RASSF3: variants seen among roughly 807,000 people sequenced by gnomAD.
The protein encoded by RASSF3 is Ras association domain family member 3.
Under a neutral mutation model 19.9 loss-of-function variants are expected in RASSF3, and 19 were observed. That is an observed-to-expected ratio of 0.96 (90% CI 0.67 to 1.40). RASSF3 has a LOEUF of 1.40. Ranked by LOEUF, RASSF3 falls within the 40% of genes most tolerant of loss-of-function variation. The pLI, the probability that RASSF3 is intolerant of heterozygous loss-of-function variation, is 0.00. For synonymous variants in RASSF3, 110 were observed against 104.2 expected (o/e 1.06, Z -0.34); for missense variants, 306 against 289.8 (o/e 1.06, Z -0.41).
chr12:64,588,483 T>C (rs1378597639), intron 2 of RASSF3, among the ~76,000 whole-genome samples: 1 of 151,910 alleles, frequency 6.6e-6, no homozygotes, highest in Non-Finnish European at 1.5e-5. Context: ...CAGACCCACC[T>C]GGGGAATATA....
chr12:64,558,401 A>G (rs1869290212), intron 2 of RASSF3, among the ~76,000 whole-genome samples: 1 of 152,180 alleles, frequency 6.6e-6, no homozygotes, highest in Non-Finnish European at 1.5e-5. Flanking sequence ...TATGTGACAC[A>G]AAAATTTTCA....
At chr12:64,631,026 C>CAG (rs545923260) in intron 1 of RASSF3, among the ~76,000 whole-genome samples, 1 of 152,118 alleles carries the variant, frequency 6.6e-6, no homozygotes, top group African/African-American at 2.4e-5. Flanking sequence ...ACCTGGTCTG[C>CAG]AGAGAGAGCT....
chr12:64,533,979 C>T (rs1868769671), intron 1 of RASSF3, among the ~76,000 whole-genome samples: 1 of 152,146 alleles, frequency 6.6e-6, no homozygotes, highest in Non-Finnish European at 1.5e-5. Context: ...AATATCAAGG[C>T]GGGACAATGT....
intron 1 of RASSF3, among the ~76,000 whole-genome samples, chr12:64,516,795 T>C (rs1163186283): frequency 6.7e-6 from 1 of 150,028 alleles, no homozygotes; most frequent in African/African-American, 2.5e-5. Flanking sequence ...AGGTCAGGAG[T>C]GAGAGACCAG....
Position 64,613,054 on chromosome 12 carries a change from T to C in RASSF3, c.111+2311T>C, listed in dbSNP as rs185959478. ...GCCAGGCAGAGAAAGTGTTCTAAAC[T>C]ACGAATTTTAGTGAGCATTGTGGTT... is the stretch of plus-strand genomic sequence containing the variant. On this transcript the variant is annotated intron_variant, in intron 1 of 4. Coordinates refer to ENST00000542104, the MANE Select transcript of RASSF3 (RefSeq NM_178169.4). Among the ~76,000 whole-genome samples the C allele has an allele frequency of 6.7e-3, 1,027 of 152,340 alleles. 4 individuals are homozygous for C. Among genetic ancestry groups the C allele is most frequent in the Middle Eastern group, 0.027 (8 of 294 alleles).
chr12:64,562,021 A>T (rs138827859), intron 2 of RASSF3, among the ~76,000 whole-genome samples: 65 of 55,118 alleles, frequency 1.2e-3, no homozygotes, highest in Non-Finnish European at 3.0e-3. Context: ...TTATTTATTT[A>T]TTTTTGTTTG....
chr12:64,669,139 C>A (rs1872618966), intron 1 of RASSF3, among the ~76,000 whole-genome samples: 1 of 152,222 alleles, frequency 6.6e-6, no homozygotes, highest in Non-Finnish European at 1.5e-5. Context: ...GAGCAAATGG[C>A]TTTCCATTCT....
At chr12:64,548,895 T>C (rs1188521971) in intron 2 of RASSF3, among the ~76,000 whole-genome samples, 1 of 152,232 alleles carries the variant, frequency 6.6e-6, no homozygotes, top group East Asian at 1.9e-4. Context: ...ATTAGTGAAG[T>C]TAAGACTCAG....
rs372495585 is a variant in RASSF3, at chr12:64,618,606, C to T, written c.111+7863C>T. Among the ~76,000 whole-genome samples, 10 of 152,220 alleles carry T rather than the reference C, an allele frequency of 6.6e-5. No homozygotes were observed. In the East Asian group the frequency reaches 7.7e-4, roughly 12 times the overall value. On this transcript the variant is annotated intron_variant, in intron 1 of 4. Transcript: ENST00000542104. Reference sequence around the variant, plus strand: ...CCTCCCAAAGTGCTGGGATTACAGGCGTGAGCCACCACGCCCGGCCTTTTG... The same window carrying T: ...CCTCCCAAAGTGCTGGGATTACAGGTGTGAGCCACCACGCCCGGCCTTTTG...
At chr12:64,635,294 TGACCCCTC>T (rs998471775) in intron 1 of RASSF3, among the ~76,000 whole-genome samples, 2 of 152,170 alleles carry the variant, frequency 1.3e-5, no homozygotes, top group African/African-American at 4.8e-5. Flanking sequence ...AAATTTTTGA[TGACCCCTC>T]GTATCTGTAT....
chr12:64,678,665 AC>A lies in RASSF3; in HGVS notation c.112-6120del, dbSNP rs1247227431. On this transcript the variant is annotated intron_variant, in intron 1 of 4. Transcript: ENST00000542104. The stretch of plus-strand genomic sequence containing the variant: ...CGTAATACCAAAAAAAAAAAAAAAA[AC>A]CAAACAAAAACCCAAAAACCTCTTG... 1.0e-4 allele frequency among the ~76,000 whole-genome samples: 15 copies of A among 146,930 alleles called. No individual in the cohort carries two copies. In the East Asian group the frequency reaches 1.2e-3, roughly 12 times the overall value.
intron 1 of RASSF3, among the ~76,000 whole-genome samples, chr12:64,675,788 T>C (rs775705050): frequency 6.6e-6 from 1 of 152,020 alleles, no homozygotes; most frequent in Non-Finnish European, 1.5e-5. Flanking sequence ...GTTCAAAGCA[T>C]GAACAAAGTG....
At chr12:64,507,366 G>GTT (rs569094796) in intron 1 of RASSF3, 71 of 380,766 alleles carry the variant, frequency 1.9e-4, no homozygotes, top group African/African-American at 1.3e-3. Flanking sequence ...TTTCAAATCC[G>GTT]TTTTTTTGTG....
intron 1 of RASSF3, among the ~76,000 whole-genome samples, chr12:64,535,539 A>AT (rs1238808994): frequency 1.3e-5 from 2 of 151,450 alleles, no homozygotes. Flanking sequence ...AATTTTTTGT[A>AT]TTTTTTTGTA....
At chr12:64,631,827 G>A (rs914079173) in intron 1 of RASSF3, among the ~76,000 whole-genome samples, 17 of 152,078 alleles carry the variant, frequency 1.1e-4, no homozygotes, top group African/African-American at 4.1e-4. Flanking sequence ...CGCCCACCTC[G>A]GCCTCCCAAA....
chr12:64,552,775 A>G (rs1869186937), intron 2 of RASSF3, among the ~76,000 whole-genome samples: 1 of 152,008 alleles, frequency 6.6e-6, no homozygotes, highest in African/African-American at 2.4e-5. Flanking sequence ...CCAGTCTATC[A>G]TTGGTGGGCA....
chr12:64,608,238 A>T (rs1010722572), upstream of RASSF3, among the ~76,000 whole-genome samples: 4 of 152,132 alleles, frequency 2.6e-5, no homozygotes, highest in African/African-American at 7.2e-5. Flanking sequence ...ATGCTGACAG[A>T]TATACAAATT....
At chr12:64,539,936 T>C (rs1868906713) in intron 1 of RASSF3, among the ~76,000 whole-genome samples, 1 of 152,196 alleles carries the variant, frequency 6.6e-6, no homozygotes, top group Non-Finnish European at 1.5e-5. Flanking sequence ...ATCTGTATGA[T>C]AGAATATTGT....
chr12:64,520,169 C>CT (rs34152736), intron 1 of RASSF3, among the ~76,000 whole-genome samples: 40,293 of 134,876 alleles, frequency 0.3, 6,467 homozygotes, highest in Middle Eastern at 0.38. Context: ...TCATTTCTGA[C>CT]TTTTTTTTTT....
Sources: allele counts gnomAD v4.1 joint callset (sites outside exome capture counted in the v4.1 genomes callset), GRCh38; gene constraint gnomAD v4.1.1; transcripts MANE v1.5; gene names NCBI Gene and HGNC (gene_info 2026-07-23, HGNC 2026-07-21).